Variants in TMEM45A observed in about 807,000 individuals in gnomAD.
The protein encoded by TMEM45A is DNA polymerase-transactivated protein 4.
TMEM45A carries 25 observed loss-of-function variants against 32.0 expected under a neutral mutation model. The ratio of observed to expected loss-of-function variants is 0.78; its 90% CI spans 0.57 to 1.09. TMEM45A has a LOEUF of 1.09. TMEM45A is among the 50% of genes least tolerant of loss of function. The probability of loss-of-function intolerance (pLI) is 0.00; values close to 1 mark genes in which losing one functional copy is unlikely to be tolerated. For synonymous variants in TMEM45A, 122 were observed against 114.8 expected (o/e 1.06, Z -0.40); for missense variants, 302 against 325.0 (o/e 0.93, Z 0.54).
intron 1 of TMEM45A, chr3:100,519,444 T>C (rs956732535): frequency 9.5e-6 from 8 of 845,330 alleles, no homozygotes; most frequent in Non-Finnish European, 1.3e-5. Flanking sequence ...TTTCAGCCTA[T>C]TGATTTTTTT....
intron 3 of TMEM45A, among the ~76,000 whole-genome samples, chr3:100,557,263 A>G (rs1434610862): frequency 6.6e-6 from 1 of 152,214 alleles, no homozygotes; most frequent in Non-Finnish European, 1.5e-5. Context: ...TGTTCTGAAG[A>G]TTATCATTTT....
chr3:100,562,097 A>G (rs912195922), intron 4 of TMEM45A, among the ~76,000 whole-genome samples: 6 of 152,340 alleles, frequency 3.9e-5, no homozygotes, highest in Middle Eastern at 3.4e-3. Context: ...CTTATTGCCT[A>G]TTAGAGAAGA....
At chr3:100,495,379 G>A (rs1707909550) in intron 1 of TMEM45A, among the ~76,000 whole-genome samples, 2 of 152,180 alleles carry the variant, frequency 1.3e-5, no homozygotes, top group African/African-American at 4.8e-5. Context: ...TTAGGAGGAA[G>A]GAGACCTTTT....
chr3:100,577,068 GT>G lies in TMEM45A; in HGVS notation c.*52del, dbSNP rs763888044. The G allele has an allele frequency of 2.0e-5, 30 of 1,482,092 alleles. No individual in the cohort carries two copies. Among genetic ancestry groups the G allele is most frequent in the Admixed American group, 5.3e-5 (3 of 56,832 alleles). The allele number at this position is 1,482,092 out of a possible 1,614,324, so 91.8% of individuals were successfully genotyped here. On this transcript the variant is annotated 3_prime_UTR_variant, in exon 6 of 6. Transcript: ENST00000323523. Reference sequence around the variant, plus strand: ...AGATAAACCTTTTCTTTTTTACATTGTTCTTGGTTTTGTTTCTCGATCTTTT... The same window carrying G: ...AGATAAACCTTTTCTTTTTTACATTGTCTTGGTTTTGTTTCTCGATCTTTT...
intron 1 of TMEM45A, among the ~76,000 whole-genome samples, chr3:100,494,098 CA>C (rs1707889185): frequency 6.6e-6 from 1 of 152,146 alleles, no homozygotes; most frequent in South Asian, 2.1e-4. Flanking sequence ...TACATGCTTG[CA>C]GATAGTTCCG....
chr3:100,527,457 C>T (rs1434776795), intron 1 of TMEM45A, among the ~76,000 whole-genome samples: 1 of 152,000 alleles, frequency 6.6e-6, no homozygotes, highest in Admixed American at 6.6e-5. Context: ...TCTATTTGCT[C>T]AGAACCAGTA....
At chr3:100,562,038 C>A (rs1706346298) in intron 4 of TMEM45A, among the ~76,000 whole-genome samples, 2 of 152,178 alleles carry the variant, frequency 1.3e-5, no homozygotes, top group South Asian at 4.1e-4. Flanking sequence ...ATTGGATAAT[C>A]AGATAACAAC....
At position 100,558,428 on chromosome 3, in the gene TMEM45A, C is replaced by T. The variant is rs750809647; in HGVS notation, c.427C>T (p.His143Tyr). The change falls in exon 4 of 6, where the codon CAT becomes TAT. Residue 143 changes from histidine (H) to tyrosine (Y), a missense_variant. His to Tyr is a moderately conservative substitution (Grantham distance 83). Transcript: ENST00000323523. ...VEAFIFYNHTHGREMLDIFVH... is the reference protein window; with the variant it reads ...VEAFIFYNHTYGREMLDIFVH... ...AGCCTTTATCTTCTACAACCACACTCATGGCCGGGAAATGCTGGACATCTT... is the reference window on the plus strand; with the variant it reads ...AGCCTTTATCTTCTACAACCACACTTATGGCCGGGAAATGCTGGACATCTT... 3 of 1,613,714 alleles carry T rather than the reference C, an allele frequency of 1.9e-6. No homozygotes were observed. Among genetic ancestry groups the T allele is most frequent in the East Asian group, 2.2e-5 (1 of 44,886 alleles).
intron 1 of TMEM45A, among the ~76,000 whole-genome samples, chr3:100,506,112 C>A (rs554086412): frequency 6.6e-6 from 1 of 152,298 alleles, no homozygotes; most frequent in South Asian, 2.1e-4. Context: ...GAGAACAGAG[C>A]CTGGCTCTCA....
chr3:100,550,858 G>GT (rs962793484), intron 1 of TMEM45A, among the ~76,000 whole-genome samples: 52 of 152,246 alleles, frequency 3.4e-4, no homozygotes, highest in African/African-American at 1.2e-3. Context: ...ACCAGGAGGG[G>GT]TTTCTGGTTT....
rs1367925720 is a variant in TMEM45A, at chr3:100,567,569, A to G, written c.589-1253A>G. On this transcript the variant is annotated intron_variant, in intron 4 of 5. Transcript: ENST00000323523. ...ACATTGGAATTTTGATGGCAATTGC[A>G]TTGAATCTGTAGATTGCTTTGGGTG... Among the ~76,000 whole-genome samples the G allele has an allele frequency of 3.4e-5, 5 of 149,246 alleles. No homozygotes were observed. The East Asian group carries it at 9.8e-4, about 29-fold the overall frequency.
chr3:100,507,228 T>G (rs1486962595), intron 1 of TMEM45A, among the ~76,000 whole-genome samples: 3 of 152,354 alleles, frequency 2.0e-5, no homozygotes. Context: ...AGTTAGACAC[T>G]TGACTGCCAG....
Position 100,564,291 on chromosome 3 carries a change from A to C in TMEM45A, c.589-4531A>C, listed in dbSNP as rs184537664. 6.0e-4 allele frequency among the ~76,000 whole-genome samples: 92 copies of C among 152,344 alleles called. 1 individual carries two copies. Among genetic ancestry groups the C allele is most frequent in the Admixed American group, 1.5e-3 (23 of 15,308 alleles). ...CTTGGTTGGATCACTCCACTTGGTC[A>C]GGAAGGTAAACTGAATGATGAATCA... On this transcript the variant is annotated intron_variant, in intron 4 of 5. Coordinates refer to ENST00000323523, the MANE Select transcript of TMEM45A (RefSeq NM_018004.3).
intron 1 of TMEM45A, among the ~76,000 whole-genome samples, chr3:100,523,804 C>G (rs1705487053): frequency 1.1e-5 from 1 of 87,080 alleles, no homozygotes; most frequent in African/African-American, 6.0e-5. Context: ...TCTCCTTCTC[C>G]TCCTCCTCCT....
chr3:100,498,688 T>G (rs1005653938), intron 1 of TMEM45A, among the ~76,000 whole-genome samples: 1 of 152,206 alleles, frequency 6.6e-6, no homozygotes. Context: ...TAAACATTGG[T>G]GTACAAATAT....
At chr3:100,539,592 G>T (rs557016354) in intron 1 of TMEM45A, among the ~76,000 whole-genome samples, 1 of 151,954 alleles carries the variant, frequency 6.6e-6, no homozygotes, top group African/African-American at 2.4e-5. Flanking sequence ...TAACTGGAAG[G>T]CCTGCTGGTA....
intron 1 of TMEM45A, among the ~76,000 whole-genome samples, chr3:100,522,744 C>T (rs1483256784): frequency 1.3e-5 from 2 of 152,188 alleles, no homozygotes; most frequent in African/African-American, 4.8e-5. Context: ...CACCTGTTCC[C>T]ACTGGGGGCA....
intron 1 of TMEM45A, among the ~76,000 whole-genome samples, chr3:100,502,513 C>CT (rs1334527608): frequency 6.6e-6 from 1 of 152,114 alleles, no homozygotes; most frequent in East Asian, 1.9e-4. Flanking sequence ...GTTGCCCAGG[C>CT]TGGGGTGCAG....
chr3:100,537,095 G>A (rs746536270), intron 1 of TMEM45A, among the ~76,000 whole-genome samples: 3 of 152,106 alleles, frequency 2.0e-5, no homozygotes, highest in Non-Finnish European at 2.9e-5. Flanking sequence ...GCTAATTTTT[G>A]TATTTTTAGT....
Sources: allele counts gnomAD v4.1 joint callset (sites outside exome capture counted in the v4.1 genomes callset), GRCh38; gene constraint gnomAD v4.1.1; transcripts MANE v1.5; gene names NCBI Gene and HGNC (gene_info 2026-07-23, HGNC 2026-07-21).